Variants in SPAG6 observed in about 807,000 individuals in gnomAD.
SPAG6 encodes sperm-associated antigen 6.
Under a neutral mutation model 58.5 loss-of-function variants are expected in SPAG6, and 49 were observed. That is an observed-to-expected ratio of 0.84 (90% confidence interval 0.67 to 1.06). SPAG6 has a LOEUF of 1.06. Ranked by LOEUF, SPAG6 falls within the 50% of genes least tolerant of loss-of-function variation. The pLI, the probability that SPAG6 is intolerant of heterozygous loss-of-function variation, is 0.00. For missense variants in SPAG6, 560 were observed against 611.3 expected, an observed-to-expected ratio of 0.92 and a Z score of 0.89; for synonymous variants, 233 against 225.6, an observed-to-expected ratio of 1.03 and a Z score of -0.29.
At chr10:22,407,233 C>T (rs925358323) in intron 9 of SPAG6, among the ~76,000 whole-genome samples, 74 of 151,066 alleles carry the variant, frequency 4.9e-4, no homozygotes, top group Non-Finnish European at 9.0e-4. Flanking sequence ...TTCCTAGTCT[C>T]GATGGTCTTT....
At chr10:22,411,361 C>T (rs947556430) in intron 10 of SPAG6, 185 bp downstream of exon 10, 40 of 477,362 alleles carry the variant, frequency 8.4e-5, no homozygotes, top group African/African-American at 2.0e-5. Flanking sequence ...CTGACACGCA[C>T]ATTTCCAATT....
At chr10:22,386,635 T>C in intron 4 of SPAG6, 119 bp from the exon 5 acceptor site, 5 of 733,542 alleles carry the variant, frequency 6.8e-6, no homozygotes, top group South Asian at 3.2e-5. Context: ...GAAATGCAGA[T>C]GTTGAGAGAG....
At chr10:22,412,805 T>G (rs1343791531) in intron 10 of SPAG6, 1 of 177,970 alleles carries the variant, frequency 5.6e-6, no homozygotes, top group Non-Finnish European at 1.2e-5. Flanking sequence ...TCTCTTGACC[T>G]TGTGATCCGC....
In SPAG6 at chr10:22,345,841, C is replaced by T. The variant is rs771619789; in HGVS notation, c.121+23C>T. The stretch of plus-strand genomic sequence containing the variant: ...CGGGTGAGCCCGGAGCCCGAACCCC[C>T]GTCGCCCCCCGCGCACTGAGTCCCC... On this transcript the variant is annotated intron_variant, in intron 2 of 10. Coordinates refer to ENST00000376624, the MANE Select transcript of SPAG6 (RefSeq NM_012443.4). The surrounding 1 kb of genome is among the most constrained non-coding windows in gnomAD (Gnocchi z 6.3). 13 of 1,603,862 alleles carry T rather than the reference C, an allele frequency of 8.1e-6. No homozygotes were observed. The highest frequency in any genetic ancestry group is 4.5e-5 in the East Asian group (2 of 44,060).
chr10:22,391,728 G>A lies in SPAG6; in HGVS notation c.1006-1G>A, dbSNP rs1416895451. 1 of 1,613,216 alleles carries A rather than the reference G, an allele frequency of 6.2e-7. No individual in the cohort carries two copies. The highest frequency in any genetic ancestry group is 8.5e-7 in the Non-Finnish European group (1 of 1,179,540). On this transcript the variant is annotated splice_acceptor_variant, in intron 7 of 10. Coordinates refer to ENST00000376624, the MANE Select transcript of SPAG6 (RefSeq NM_012443.4). LOFTEE classifies it high-confidence loss of function. Reference sequence around the variant, plus strand: ...ACTTGCTCTTTTGATCCACGCTGCAGGGTGTACCCCAGTTGTCAGTCTGCT... The same window carrying A: ...ACTTGCTCTTTTGATCCACGCTGCAAGGTGTACCCCAGTTGTCAGTCTGCT...
chr10:22,388,540 C>T (rs1345486730), intron 6 of SPAG6, among the ~76,000 whole-genome samples: 2 of 152,118 alleles, frequency 1.3e-5, no homozygotes, highest in Non-Finnish European at 2.9e-5. Flanking sequence ...ATGGTGATTT[C>T]CCGCCCTGAG....
chr10:22,360,709 T>C (rs1837010234), intron 2 of SPAG6: 4 of 783,298 alleles, frequency 5.1e-6, no homozygotes, highest in Non-Finnish European at 6.0e-6. Context: ...ATAGTATATG[T>C]TGGGTCCTTC....
At position 22,411,103 on chromosome 10, in the gene SPAG6, A is replaced by G. The variant is rs773605153; in HGVS notation, c.1387A>G (p.Lys463Glu). 28 of 1,613,980 alleles carry G rather than the reference A, an allele frequency of 1.7e-5. No individual in the cohort carries two copies. In the Admixed American group the frequency reaches 4.2e-4, roughly 24 times the overall value. Reference protein sequence around the residue: ...SGGLKKVQEIKAEPGSLLQEY... With the variant: ...SGGLKKVQEIEAEPGSLLQEY... ...TGGCCTTAAAAAAGTTCAAGAGATA[A>G]AAGCAGAACCTGGTTCTCTCCTTCA... Residue 463 changes from lysine to glutamate, a missense_variant, in exon 10 of 11, where the codon AAA becomes GAA. By Grantham distance (56) the Lys-to-Glu change is moderately conservative (BLOSUM62 1). Transcript: ENST00000376624.
chr10:22,411,463 T>C (rs1834733749), intron 10 of SPAG6: 1 of 227,436 alleles, frequency 4.4e-6, no homozygotes. Context: ...GTAACCAGTT[T>C]TTAAATTGTG....
chr10:22,362,691 T>C (rs1837079025), intron 2 of SPAG6, among the ~76,000 whole-genome samples: 1 of 151,994 alleles, frequency 6.6e-6, no homozygotes, highest in Admixed American at 6.6e-5. Flanking sequence ...GATTGCACCC[T>C]GCACTCCAGC....
At chr10:22,350,093 T>C (rs1836675756) in intron 2 of SPAG6, among the ~76,000 whole-genome samples, 1 of 152,036 alleles carries the variant, frequency 6.6e-6, no homozygotes. Flanking sequence ...CCAATCATGC[T>C]ATTTAAATTT....
rs781485507 is a variant in SPAG6 at position 22,391,891 on chromosome 10, A to G, written c.1168A>G (p.Thr390Ala). The change falls in exon 8 of 11, where the codon ACA (threonine) becomes GCA (alanine). Residue 390 changes from threonine to alanine, a missense_variant. Physicochemically the swap from Thr to Ala is moderately conservative, Grantham distance 58. Transcript: ENST00000376624. ...LPVLLSLYMSTESSEDLQVKS... is the reference protein window; with the variant it reads ...LPVLLSLYMSAESSEDLQVKS... ...AGTTCTGCTTTCTTTGTACATGTCA[A>G]CAGAAAGTTCTGAGGATCTCCAAGT... 14 of 1,612,968 alleles carry G rather than the reference A, an allele frequency of 8.7e-6. No individual in the cohort carries two copies. The African/African-American group carries it at 9.3e-5, about 11-fold the overall frequency.
intron 2 of SPAG6, among the ~76,000 whole-genome samples, chr10:22,347,959 A>G (rs1404996549): frequency 2.0e-5 from 3 of 152,182 alleles, no homozygotes; most frequent in Non-Finnish European, 2.9e-5. Context: ...TATTCTTTTG[A>G]TTAAAAAAGA....
At chr10:22,405,238 G>A (rs1404187726) in intron 9 of SPAG6, among the ~76,000 whole-genome samples, 1 of 150,754 alleles carries the variant, frequency 6.6e-6, no homozygotes, top group Non-Finnish European at 1.5e-5. Flanking sequence ...AATGCTTCCA[G>A]TTTTTGCCCA....
chr10:22,359,002 G>A (rs1836954223), intron 2 of SPAG6, among the ~76,000 whole-genome samples: 1 of 152,158 alleles, frequency 6.6e-6, no homozygotes, highest in Non-Finnish European at 1.5e-5. Context: ...CTAGGAAGTG[G>A]CAGAGTCCAG....
chr10:22,347,952 T>C (rs1836613523), intron 2 of SPAG6, among the ~76,000 whole-genome samples: 1 of 152,224 alleles, frequency 6.6e-6, no homozygotes, highest in East Asian at 1.9e-4. Context: ...ATGTATTTAT[T>C]CTTTTGATTA....
rs1164745939 is a variant in SPAG6 at position 22,401,349 on chromosome 10, G to T, written c.1314+72G>T. 1.9e-5 allele frequency: 15 copies of T among 786,218 alleles called. No individual in the cohort carries two copies. In the East Asian group the frequency reaches 3.8e-4, roughly 20 times the overall value. 48.7% of individuals were successfully genotyped at this position (786,218 alleles called of 1,614,324 possible). A position where few individuals can be genotyped will look rare whatever the true frequency, so the allele number is the denominator to read the frequency against. On this transcript the variant is annotated intron_variant, in intron 9 of 10. Transcript: ENST00000376624. Reference sequence around the variant, plus strand: ...TGTTGTTATTTTTTTTTTCTGTTGGGTCAGTAGCTTTTTCTGTAACACGGG... The same window carrying T: ...TGTTGTTATTTTTTTTTTCTGTTGGTTCAGTAGCTTTTTCTGTAACACGGG...
intron 2 of SPAG6, among the ~76,000 whole-genome samples, chr10:22,347,501 G>T (rs1281840473): frequency 1.3e-5 from 2 of 152,134 alleles, no homozygotes; most frequent in Non-Finnish European, 2.9e-5. Context: ...ACTTAACAAA[G>T]ATTTAGTTTC....
chr10:22,412,316 T>G (rs1834760807), intron 10 of SPAG6: 2 of 567,270 alleles, frequency 3.5e-6, no homozygotes, highest in Non-Finnish European at 3.1e-6. Context: ...TTACGCAAGT[T>G]GCAACATGTC....
Sources: allele counts gnomAD v4.1 joint callset (sites outside exome capture counted in the v4.1 genomes callset), GRCh38; gene constraint gnomAD v4.1.1; non-coding constraint Gnocchi (gnomAD v3.1); transcripts MANE v1.5; gene names NCBI Gene and HGNC (gene_info 2026-07-23, HGNC 2026-07-21).